The following MDFIC2 variants were observed in gnomAD, a reference collection of about 807,000 sequenced individuals.
MDFIC2 encodes the protein myoD family inhibitor domain-containing protein 2.
intron 2 of MDFIC2, among the ~76,000 whole-genome samples, chr3:70,237,315 T>C (rs1021867026): frequency 6.6e-6 from 1 of 152,234 alleles, no homozygotes; most frequent in Non-Finnish European, 1.5e-5. Flanking sequence ...CCTCTATTAA[T>C]GAATGCTTAA....
At chr3:70,252,030 A>G (rs1701774148) in intron 2 of MDFIC2, among the ~76,000 whole-genome samples, 1 of 152,206 alleles carries the variant, frequency 6.6e-6, no homozygotes, top group African/African-American at 2.4e-5. Flanking sequence ...TCAATTCTGC[A>G]TATGTGAGGA....
chr3:70,282,267 C>A (rs1575614615), intron 2 of MDFIC2, among the ~76,000 whole-genome samples: 1 of 152,082 alleles, frequency 6.6e-6, no homozygotes, highest in African/African-American at 2.4e-5. Flanking sequence ...CTAGAAGGAA[C>A]ACCTGGTGTT....
intron 3 of MDFIC2, among the ~76,000 whole-genome samples, chr3:70,198,511 G>T (rs1302142162): frequency 6.6e-6 from 1 of 152,100 alleles, no homozygotes; most frequent in Admixed American, 6.6e-5. Context: ...AGCCACTTTG[G>T]TTTCTTGTAA....
chr3:70,310,033 T>G (rs1702440828), intron 2 of MDFIC2, among the ~76,000 whole-genome samples: 1 of 152,080 alleles, frequency 6.6e-6, no homozygotes, highest in Non-Finnish European at 1.5e-5. Context: ...TCACCATAAG[T>G]GGTGGTGAAG....
intron 3 of MDFIC2, 104 bp from the exon 4 acceptor site, chr3:70,197,289 TTA>T (rs1352118500): frequency 2.5e-6 from 1 of 397,278 alleles, no homozygotes; most frequent in Admixed American, 4.4e-5. Context: ...CAACTCTTAA[TTA>T]TTTATCCACA....
chr3:70,201,101 G>T (rs1701233645), intron 3 of MDFIC2, among the ~76,000 whole-genome samples: 1 of 151,762 alleles, frequency 6.6e-6, no homozygotes, highest in Non-Finnish European at 1.5e-5. Context: ...TGCTACATAG[G>T]TAAACTTGTG....
At position 70,274,950 on chromosome 3, in the gene MDFIC2, A is replaced by G. The variant is rs17006981; in HGVS notation, c.88+36936T>C. Reference sequence around the variant, plus strand: ...AAAATGAGTTATATAAAAGTGGGAAATAAAATCTATTACTGTTTGAAACTA... The same window carrying G: ...AAAATGAGTTATATAAAAGTGGGAAGTAAAATCTATTACTGTTTGAAACTA... On this transcript the variant is annotated intron_variant, in intron 2 of 3. Coordinates refer to ENST00000567252, the MANE Select transcript of MDFIC2 (RefSeq NM_001364677.1). Among the ~76,000 whole-genome samples the G allele has an allele frequency of 8.2e-3, 1,256 of 152,276 alleles. 8 individuals carry two copies. Among genetic ancestry groups the G allele is most frequent in the African/African-American group, 0.029 (1,196 of 41,550 alleles).
intron 2 of MDFIC2, among the ~76,000 whole-genome samples, chr3:70,276,311 C>G (rs572505689): frequency 2.6e-5 from 4 of 152,026 alleles, no homozygotes; most frequent in African/African-American, 9.7e-5. Flanking sequence ...TTTTAAATAA[C>G]TTTATATTAT....
intron 2 of MDFIC2, among the ~76,000 whole-genome samples, chr3:70,263,730 C>T (rs1701889378): frequency 6.6e-6 from 1 of 152,170 alleles, no homozygotes; most frequent in African/African-American, 2.4e-5. Flanking sequence ...TTTCTATCCT[C>T]TCTGCCTCCC....
chr3:70,245,879 A>G (rs904517291), intron 2 of MDFIC2, among the ~76,000 whole-genome samples: 3 of 151,238 alleles, frequency 2.0e-5, no homozygotes, highest in African/African-American at 4.9e-5. Context: ...GAGGGCTGCC[A>G]TTGCCAATTT....
At chr3:70,310,814 A>G (rs559488899) in intron 2 of MDFIC2, among the ~76,000 whole-genome samples, 2 of 152,000 alleles carry the variant, frequency 1.3e-5, no homozygotes, top group South Asian at 4.2e-4. Flanking sequence ...TAACTTAAAC[A>G]TTTTTTTTCT....
At chr3:70,263,880 C>T (rs1047759878) in intron 2 of MDFIC2, among the ~76,000 whole-genome samples, 1 of 152,072 alleles carries the variant, frequency 6.6e-6, no homozygotes, top group Admixed American at 6.6e-5. Context: ...TCCTTTCTCT[C>T]GGGGTTCACA....
intron 2 of MDFIC2, among the ~76,000 whole-genome samples, chr3:70,218,430 C>A (rs111479859): frequency 0.026 from 3,908 of 152,148 alleles, 77 homozygotes; most frequent in Non-Finnish European, 0.034. Flanking sequence ...AATCTGGAGA[C>A]CACTGGTCTG....
At chr3:70,203,881 T>A (rs1032905978) in intron 3 of MDFIC2, among the ~76,000 whole-genome samples, 4 of 152,098 alleles carry the variant, frequency 2.6e-5, no homozygotes, top group African/African-American at 9.7e-5. Context: ...AATCAGAAGT[T>A]TGCAGAAACA....
chr3:70,197,883 T>C (rs1328726583), intron 3 of MDFIC2, among the ~76,000 whole-genome samples: 2 of 152,108 alleles, frequency 1.3e-5, no homozygotes, highest in African/African-American at 4.8e-5. Flanking sequence ...TTAAGAAAAT[T>C]GGTTTAAAAA....
chr3:70,292,592 T>G (rs1158126541), intron 2 of MDFIC2, among the ~76,000 whole-genome samples: 2 of 152,152 alleles, frequency 1.3e-5, no homozygotes, highest in African/African-American at 4.8e-5. Context: ...AAACTATTTT[T>G]TATCTATCTT....
intron 2 of MDFIC2, among the ~76,000 whole-genome samples, chr3:70,216,456 T>C (rs1007367510): frequency 2.0e-5 from 3 of 151,890 alleles, no homozygotes; most frequent in Non-Finnish European, 4.4e-5. Flanking sequence ...ATTTTTCACA[T>C]GAGGACACAG....
At chr3:70,289,821 T>G (rs530097338) in intron 2 of MDFIC2, among the ~76,000 whole-genome samples, 6 of 152,188 alleles carry the variant, frequency 3.9e-5, no homozygotes, top group Admixed American at 6.5e-5. Flanking sequence ...CATCTTCCAT[T>G]GCTGATACCC....
intron 3 of MDFIC2, among the ~76,000 whole-genome samples, chr3:70,201,095 A>G (rs903701637): frequency 1.3e-5 from 2 of 151,824 alleles, no homozygotes; most frequent in Non-Finnish European, 2.9e-5. Context: ...CTGGTTTGCT[A>G]CATAGGTAAA....
Sources: gnomAD v4.1 joint callset for allele counts (sites outside exome capture counted in the v4.1 genomes callset) on GRCh38, gnomAD v4.1.1 for gene constraint, MANE v1.5 for transcripts, NCBI Gene and HGNC (gene_info 2026-07-23, HGNC 2026-07-21) for gene names.